TSPAN1: variants seen among roughly 807,000 people sequenced by gnomAD.
TSPAN1 encodes tetraspanin 1.
Under a neutral mutation model 26.9 loss-of-function variants are expected in TSPAN1, and 23 were observed. The ratio of observed to expected loss-of-function variants is 0.85; its 90% CI spans 0.62 to 1.21. TSPAN1 has a LOEUF of 1.21. TSPAN1 is among the 50% of genes most tolerant of loss of function. The pLI is 0.00. For synonymous variants in TSPAN1, 115 were observed against 114.8 expected (o/e 1.00, Z -0.01); for missense variants, 283 against 298.4 (o/e 0.95, Z 0.38).
the TSPAN1 span, chr1:46,194,208 A>G: frequency 2.5e-6 from 4 of 1,613,528 alleles, no homozygotes; most frequent in African/African-American, 1.3e-5. Flanking sequence ...AACCTAGATC[A>G]TTCCTGGGGC....
In TSPAN1 at chr1:46,185,896, C is replaced by G; in HGVS notation, c.*363C>G. On this transcript the variant is annotated 3_prime_UTR_variant, in exon 9 of 9. Transcript: ENST00000372003. Reference sequence around the variant, plus strand: ...TTTATAGCCTGGGCATAAGTGAAATCAGCAGAGCCTCTGGGTGGATGTGTA... The same window carrying G: ...TTTATAGCCTGGGCATAAGTGAAATGAGCAGAGCCTCTGGGTGGATGTGTA... 3.2e-6 allele frequency: 1 copy of G among 311,158 alleles called. No individual in the cohort carries two copies. Among genetic ancestry groups the G allele is most frequent in the Non-Finnish European group, 6.0e-6 (1 of 167,088 alleles). 19.3% of individuals were successfully genotyped at this position (311,158 alleles called of 1,614,324 possible). A position where few individuals can be genotyped will look rare whatever the true frequency, so the allele number is the denominator to read the frequency against.
the TSPAN1 span, chr1:46,191,771 A>T: frequency 8.4e-6 from 3 of 357,124 alleles, no homozygotes; most frequent in Non-Finnish European, 1.6e-5. Flanking sequence ...AGTAGCTGGG[A>T]CTACAGGCGC....
At chr1:46,181,896 A>G (rs1229137510) in intron 3 of TSPAN1, among the ~76,000 whole-genome samples, 1 of 152,166 alleles carries the variant, frequency 6.6e-6, no homozygotes, top group Non-Finnish European at 1.5e-5. Flanking sequence ...GAAACTTGAT[A>G]TCGTTCAGAA....
downstream of TSPAN1, chr1:46,190,602 G>A: frequency 6.5e-7 from 1 of 1,532,836 alleles, no homozygotes; most frequent in Non-Finnish European, 9.0e-7. Flanking sequence ...GGGGTCACAT[G>A]GGAATCTGTA....
chr1:46,181,101 A>T lies in TSPAN1; in HGVS notation c.-7A>T. 1 of 1,613,852 alleles carries T rather than the reference A, an allele frequency of 6.2e-7. No homozygotes were observed. Among genetic ancestry groups the T allele is most frequent in the Non-Finnish European group, 8.5e-7 (1 of 1,179,856 alleles). On this transcript the variant is annotated splice_region_variant and 5_prime_UTR_variant, in exon 3 of 9. Coordinates refer to ENST00000372003, the MANE Select transcript of TSPAN1 (RefSeq NM_005727.4). ...AACTTGCACATGTCTACCTCCCAGG[A>T]GCCACCATGCAGTGCTTCAGCTTCA...
chr1:46,196,346 A>G, the TSPAN1 span, among the ~76,000 whole-genome samples: 5 of 152,186 alleles, frequency 3.3e-5, no homozygotes, highest in African/African-American at 4.8e-5. This position sits in a 1 kb window ranked among gnomAD's most constrained non-coding sequence, Gnocchi z 4.4. Context: ...TCATCCTGGA[A>G]GTATCACAAT....
chr1:46,178,313 C>T (rs972343218), intron 1 of TSPAN1, among the ~76,000 whole-genome samples: 4 of 151,332 alleles, frequency 2.6e-5, no homozygotes, highest in East Asian at 1.9e-4. Flanking sequence ...GCCAAGATTG[C>T]GCCACTGCAT....
the TSPAN1 span, chr1:46,194,776 C>A: frequency 6.2e-7 from 1 of 1,613,274 alleles, no homozygotes; most frequent in Non-Finnish European, 8.5e-7. Context: ...CACCCCACCC[C>A]ATCTCCTAGG....
rs562332094 is a variant in TSPAN1 at position 46,176,051 on chromosome 1, A to G, written c.-142+642A>G. Among the ~76,000 whole-genome samples the G allele has an allele frequency of 1.3e-3, 199 of 151,722 alleles. 2 individuals are homozygous for G. The highest frequency in any genetic ancestry group is 1.0e-3 in the South Asian group (5 of 4,804). On this transcript the variant is annotated intron_variant, in intron 1 of 8. Transcript: ENST00000372003. ...CCACGCCCGGCTAATTTTTTTTTGT[A>G]TTTTTAGTAGAGATGGGATTTCACC...
the TSPAN1 span, chr1:46,192,656 A>G: frequency 0.35 from 567,297 of 1,603,404 alleles, 102,177 homozygotes; most frequent in South Asian, 0.45. Flanking sequence ...CAGAGATGCT[A>G]GAATTGCTGG....
chr1:46,176,514 G>A, intron 1 of TSPAN1: 1 of 1,532,106 alleles, frequency 6.5e-7, no homozygotes, highest in Non-Finnish European at 8.7e-7. Flanking sequence ...GGTGCTGTTG[G>A]CCAGGGTAGC....
the TSPAN1 span, chr1:46,193,041 G>A: frequency 1.2e-6 from 2 of 1,603,450 alleles, no homozygotes; most frequent in Non-Finnish European, 1.7e-6. Context: ...CTTCTTGCAG[G>A]CAGCATTACC....
chr1:46,176,167 A>T lies in TSPAN1; in HGVS notation c.-142+758A>T, dbSNP rs188321630. The T allele has an allele frequency of 7.5e-4, 1,147 of 1,524,814 alleles. 12 individuals carry two copies. In the South Asian group the frequency reaches 0.012, roughly 16 times the overall value. 94.5% of individuals were successfully genotyped at this position (1,524,814 alleles called of 1,614,324 possible). ...CGGGATTACAGGCATGAGCCACCGCACCCAGCCTAGTGGCTCTGTTTTTTA... is the reference window on the plus strand; with the variant it reads ...CGGGATTACAGGCATGAGCCACCGCTCCCAGCCTAGTGGCTCTGTTTTTTA... On this transcript the variant is annotated intron_variant, in intron 1 of 8. Transcript: ENST00000372003.
chr1:46,190,705 G>A (rs1308358993), downstream of TSPAN1: 1 of 1,609,782 alleles, frequency 6.2e-7, no homozygotes, highest in Non-Finnish European at 8.5e-7. Context: ...CCCTTGCCCT[G>A]CTGCCAGCCC....
chr1:46,189,097 A>G, downstream of TSPAN1: 3 of 1,502,916 alleles, frequency 2.0e-6, no homozygotes, highest in South Asian at 4.1e-5. Context: ...TAACTCAGGA[A>G]CGGGGTGTTG....
At position 46,181,151 on chromosome 1, in the gene TSPAN1, A is replaced by AT. The variant is rs1181726312; in HGVS notation, c.47dup (p.Leu16PhefsTer64). The AT allele has an allele frequency of 3.1e-6, 5 of 1,613,536 alleles. No homozygotes were observed. Among genetic ancestry groups the AT allele is most frequent in the Admixed American group, 3.3e-5 (2 of 59,948 alleles). On this transcript the variant is annotated frameshift_variant, in exon 3 of 9. Transcript: ENST00000372003. LOFTEE classifies it high-confidence loss of function. ...ATTAAGACCATGATGATCCTCTTCA[A>AT]TTTGCTCATCTTTGTAAGTACGGAC... is the stretch of plus-strand genomic sequence containing the variant.
At chr1:46,194,063 G>A in the TSPAN1 span, 2 of 1,543,648 alleles carry the variant, frequency 1.3e-6, no homozygotes, top group Non-Finnish European at 1.8e-6. Flanking sequence ...CCTGTTCTGG[G>A]CTCTCCACAC....
At position 46,185,309 on chromosome 1, in the gene TSPAN1, G is replaced by A; in HGVS notation, c.678+1G>A. 6.2e-7 allele frequency: 1 copy of A among 1,614,034 alleles called. No individual in the cohort carries two copies. The highest frequency in any genetic ancestry group is 1.1e-5 in the South Asian group (1 of 91,068). Reference sequence around the variant, plus strand: ...GGCAGCTGGAATTGGGGGCCTCGAGGTAAGCAGATGAGGAGGCTGGGACTG... The same window carrying A: ...GGCAGCTGGAATTGGGGGCCTCGAGATAAGCAGATGAGGAGGCTGGGACTG... On this transcript the variant is annotated splice_donor_variant, in intron 8 of 8. Transcript: ENST00000372003. LOFTEE classifies it high-confidence loss of function.
At chr1:46,177,775 T>C (rs1030941961) in intron 1 of TSPAN1, among the ~76,000 whole-genome samples, 1 of 152,216 alleles carries the variant, frequency 6.6e-6, no homozygotes, top group African/African-American at 2.4e-5. Context: ...CCACAAGTAC[T>C]GGTTTGGGAA....
Sources: gnomAD v4.1 joint callset for allele counts (sites outside exome capture counted in the v4.1 genomes callset) on GRCh38, gnomAD v4.1.1 for gene constraint, Gnocchi (gnomAD v3.1) non-coding constraint, MANE v1.5 for transcripts, NCBI Gene and HGNC (gene_info 2026-07-23, HGNC 2026-07-21) for gene names.